The following ADAM10 variants were observed in gnomAD, a reference collection of about 807,000 sequenced individuals.
ADAM10 encodes disintegrin and metalloproteinase domain-containing protein 10.
ADAM10 carries 17 observed loss-of-function variants against 90.1 expected under a neutral mutation model. The observed-to-expected ratio is 0.19, with a 90% CI of 0.13 to 0.28. ADAM10 has a LOEUF of 0.28. ADAM10 is among the 10% of genes least tolerant of loss of function. The pLI is 1.00. For missense variants in ADAM10, 610 were observed against 914.3 expected (o/e 0.67, Z 4.29); for synonymous variants, 310 against 298.6 (o/e 1.04, Z -0.40).
intron 14 of ADAM10, among the ~76,000 whole-genome samples, chr15:58,608,826 T>A (rs1298472224): frequency 6.6e-6 from 1 of 152,110 alleles, no homozygotes; most frequent in African/African-American, 2.4e-5. Flanking sequence ...AAATTAGAGA[T>A]AACAGAGAAA....
intron 2 of ADAM10, among the ~76,000 whole-genome samples, chr15:58,700,011 A>C (rs1048969254): frequency 2.6e-5 from 4 of 152,186 alleles, no homozygotes; most frequent in Non-Finnish European, 5.9e-5. Flanking sequence ...GATGGAAAAA[A>C]ATATTCCATG....
At chr15:58,727,251 C>T (rs1355617603) in intron 1 of ADAM10, among the ~76,000 whole-genome samples, 2 of 147,286 alleles carry the variant, frequency 1.4e-5, no homozygotes, top group East Asian at 2.0e-4. Context: ...AGCGCAACGG[C>T]GCAATCTCGG....
Position 58,641,536 on chromosome 15 carries a change from T to G in ADAM10, c.829-576A>C, listed in dbSNP as rs572949859. 2.6e-5 allele frequency among the ~76,000 whole-genome samples: 4 copies of G among 152,324 alleles called. No homozygotes were observed. In the South Asian group the frequency reaches 8.3e-4, roughly 32 times the overall value. On this transcript the variant is annotated intron_variant, in intron 7 of 15. Transcript: ENST00000260408. ...TTTTTTCCTGAATGTGGGCAAGAAT[T>G]TTGCTAATTTAAACTCACTTCTTTT...
rs768797099 is a variant in ADAM10 at position 58,639,779 on chromosome 15, A to G, written c.1012+998T>C. The stretch of plus-strand genomic sequence containing the variant: ...CTTTTAAAAAAGGAGAAAGAAATAC[A>G]AAGGAAAATACAGCACTACTTAAGA... On this transcript the variant is annotated intron_variant, in intron 8 of 15. Transcript: ENST00000260408. Among the ~76,000 whole-genome samples, 97 of 152,172 alleles carry G rather than the reference A, an allele frequency of 6.4e-4. 1 individual carries two copies. Among genetic ancestry groups the G allele is most frequent in the Admixed American group, 2.6e-4 (4 of 15,282 alleles).
intron 10 of ADAM10, 129 bp downstream of exon 10, chr15:58,627,571 G>T (rs1895983576): frequency 1.3e-6 from 1 of 759,182 alleles, no homozygotes; most frequent in South Asian, 1.7e-5. Flanking sequence ...CGAGATAAAG[G>T]GAATACAGCA....
chr15:58,733,589 C>A (rs1899327179), intron 1 of ADAM10, among the ~76,000 whole-genome samples: 1 of 152,074 alleles, frequency 6.6e-6, no homozygotes, highest in Non-Finnish European at 1.5e-5. Flanking sequence ...AAATAGTATA[C>A]CTTTTTATAT....
chr15:58,718,681 C>A (rs1193057961), intron 1 of ADAM10, among the ~76,000 whole-genome samples: 1 of 152,064 alleles, frequency 6.6e-6, no homozygotes, highest in Non-Finnish European at 1.5e-5. Flanking sequence ...CACCAGGTAC[C>A]GTTCAATCTA....
At chr15:58,618,881 A>G (rs1485983853) in intron 11 of ADAM10, among the ~76,000 whole-genome samples, 7 of 152,246 alleles carry the variant, frequency 4.6e-5, no homozygotes, top group African/African-American at 1.2e-4. Context: ...AAGGATGCAG[A>G]GATCAGGAAC....
intron 2 of ADAM10, chr15:58,692,650 T>G (rs772697391): frequency 3.6e-6 from 2 of 560,046 alleles, no homozygotes; most frequent in Non-Finnish European, 7.2e-6. Flanking sequence ...TTCTTTAAGG[T>G]GAAGGATCAC....
chr15:58,644,490 A>G (rs1566978115), intron 6 of ADAM10, among the ~76,000 whole-genome samples: 1 of 152,140 alleles, frequency 6.6e-6, no homozygotes, highest in South Asian at 2.1e-4. Context: ...GGGCCTCCCA[A>G]AGTGCTGGCA....
chr15:58,605,722 C>T (rs1219250593), intron 14 of ADAM10, among the ~76,000 whole-genome samples: 1 of 152,140 alleles, frequency 6.6e-6, no homozygotes, highest in African/African-American at 2.4e-5. Flanking sequence ...AAAGAGAAGA[C>T]ATCCAACCAT....
At chr15:58,621,379 A>G in intron 11 of ADAM10, 92 bp downstream of exon 11, 1 of 1,496,460 alleles carries the variant, frequency 6.7e-7, no homozygotes, top group Non-Finnish European at 9.3e-7. Flanking sequence ...TTTCAAAACC[A>G]TATGCATCTC....
intron 2 of ADAM10, among the ~76,000 whole-genome samples, chr15:58,699,201 T>A (rs1345767276): frequency 2.6e-5 from 4 of 152,146 alleles, no homozygotes; most frequent in Admixed American, 6.5e-5. Context: ...AGGAAAACTT[T>A]CTTTCAGAAA....
At chr15:58,712,682 C>T (rs1195811962) in intron 2 of ADAM10, among the ~76,000 whole-genome samples, 3 of 149,682 alleles carry the variant, frequency 2.0e-5, no homozygotes, top group Admixed American at 6.6e-5. Context: ...AAAAATTAGC[C>T]GGGAGCGGTG....
intron 4 of ADAM10, among the ~76,000 whole-genome samples, chr15:58,675,238 A>G (rs1258818186): frequency 3.9e-5 from 6 of 152,232 alleles, no homozygotes; most frequent in African/African-American, 7.2e-5. Context: ...AGGAAAATAA[A>G]TAATAAATTT....
intron 10 of ADAM10, among the ~76,000 whole-genome samples, chr15:58,625,908 G>A (rs1895927568): frequency 6.6e-6 from 1 of 152,164 alleles, no homozygotes; most frequent in African/African-American, 2.4e-5. Context: ...ATTCCAAAAG[G>A]TTGTATGCTG....
Position 58,643,986 on chromosome 15 carries a change from T to A in ADAM10, c.736-8A>T. 2 of 1,593,522 alleles carry A rather than the reference T, an allele frequency of 1.3e-6. No homozygotes were observed. Among genetic ancestry groups the A allele is most frequent in the Non-Finnish European group, 1.7e-6 (2 of 1,161,662 alleles). On this transcript the variant is annotated splice_polypyrimidine_tract_variant and splice_region_variant and intron_variant, in intron 6 of 15. Coordinates refer to ENST00000260408, the MANE Select transcript of ADAM10 (RefSeq NM_001110.4). Reference sequence around the variant, plus strand: ...TTTAACATGACTGGATATCTATGATTTAAAAAAAAGAACATTTTAGAGGCA... The same window carrying A: ...TTTAACATGACTGGATATCTATGATATAAAAAAAAGAACATTTTAGAGGCA...
At position 58,647,248 on chromosome 15, in the gene ADAM10, A is replaced by ATTTCTTTTTTTTTTTT. The variant is rs1162350060; in HGVS notation, c.586-1045_586-1044insAAAAAAAAAAAAGAAA. Reference sequence around the variant, plus strand: ...TGGCAGCAAAGAGTAGACACTAAGTATTTTTTTTTTTTTTTTTTTTTTTTT... The same window carrying ATTTCTTTTTTTTTTTT: ...TGGCAGCAAAGAGTAGACACTAAGTATTTCTTTTTTTTTTTTTTTTTTTTTTTTTTTTTTTTTTTTT... On this transcript the variant is annotated intron_variant, in intron 5 of 15. Transcript: ENST00000260408. 1.6e-3 allele frequency among the ~76,000 whole-genome samples: 94 copies of ATTTCTTTTTTTTTTTT among 59,604 alleles called. 16 individuals are homozygous for ATTTCTTTTTTTTTTTT. The highest frequency in any genetic ancestry group is 4.6e-3 in the African/African-American group (86 of 18,648). 39.1% of individuals were successfully genotyped at this position (59,604 alleles called of 152,430 possible). A position where few individuals can be genotyped will look rare whatever the true frequency, so the allele number is the denominator to read the frequency against.
Position 58,597,293 on chromosome 15 carries a change from CTT to C in ADAM10, c.*252_*253del. 7.9e-7 allele frequency: 1 copy of C among 1,262,310 alleles called. No homozygotes were observed. The highest frequency in any genetic ancestry group is 1.5e-5 in the South Asian group (1 of 65,178). 78.2% of individuals were successfully genotyped at this position (1,262,310 alleles called of 1,614,324 possible). A position where few individuals can be genotyped will look rare whatever the true frequency, so the allele number is the denominator to read the frequency against. On this transcript the variant is annotated 3_prime_UTR_variant, in exon 16 of 16. Transcript: ENST00000260408. ...CGGGGCACATAATAATATTCTAAGA[CTT>C]TGTGCCATTAAGTTAAAAATATCTG...
Sources: gnomAD v4.1 joint callset for allele counts (sites outside exome capture counted in the v4.1 genomes callset) on GRCh38, gnomAD v4.1.1 for gene constraint, MANE v1.5 for transcripts, NCBI Gene and HGNC (gene_info 2026-07-23, HGNC 2026-07-21) for gene names.